VPS50: variants seen among roughly 807,000 people sequenced by gnomAD.
VPS50 encodes syndetin.
In VPS50, 70 loss-of-function variants were observed where a neutral mutation model predicts 139.7. That is an observed-to-expected ratio of 0.50 (90% CI 0.41 to 0.61). VPS50 has a LOEUF of 0.61. Among genes scored for constraint, VPS50 ranks in the 20% least tolerant of loss-of-function variants. The pLI is 0.00. For missense variants in VPS50, 921 were observed against 1,133.7 expected (o/e 0.81, Z 2.69); for synonymous variants, 365 against 376.7 (o/e 0.97, Z 0.36).
intron 9 of VPS50, among the ~76,000 whole-genome samples, chr7:93,262,424 G>A (rs1007929411): frequency 2.0e-5 from 3 of 152,086 alleles, no homozygotes; most frequent in East Asian, 1.9e-4. Flanking sequence ...TACAGTTATC[G>A]AATGAGGTTA....
At chr7:93,261,762 C>T (rs1467549750) in intron 9 of VPS50, among the ~76,000 whole-genome samples, 1 of 151,820 alleles carries the variant, frequency 6.6e-6, no homozygotes, top group African/African-American at 2.4e-5. Flanking sequence ...TCTAACTCTC[C>T]TTCCGGGATC....
intron 17 of VPS50, among the ~76,000 whole-genome samples, chr7:93,304,240 A>G (rs958016852): frequency 1.3e-5 from 2 of 151,838 alleles, no homozygotes; most frequent in Admixed American, 6.6e-5. Flanking sequence ...TTGTTCAGAA[A>G]GTATGGTGTG....
At chr7:93,271,106 G>T (rs1166100260) in intron 9 of VPS50, 114 bp from the exon 10 acceptor site, 1 of 1,420,174 alleles carries the variant, frequency 7.0e-7, no homozygotes, top group Non-Finnish European at 9.2e-7. Context: ...CATGTCTTAC[G>T]ATCTATACTC....
chr7:93,346,774 G>C (rs1054878085), intron 23 of VPS50, among the ~76,000 whole-genome samples: 1 of 136,866 alleles, frequency 7.3e-6, no homozygotes, highest in African/African-American at 3.0e-5. Flanking sequence ...CTAGCCATAT[G>C]TAGAAAGCTG....
intron 8 of VPS50, 70 bp from the exon 9 acceptor site, chr7:93,259,480 A>G: frequency 1.3e-6 from 1 of 783,564 alleles, no homozygotes; most frequent in Admixed American, 2.3e-5. Context: ...ATGAACAGAG[A>G]TTTTTTTTTA....
At chr7:93,357,101 A>G (rs996748292) in intron 27 of VPS50, among the ~76,000 whole-genome samples, 1 of 152,194 alleles carries the variant, frequency 6.6e-6, no homozygotes, top group Non-Finnish European at 1.5e-5. Flanking sequence ...GATAACCAAA[A>G]TGTTAAACCT....
chr7:93,307,512 A>G (rs1256721667), intron 18 of VPS50, among the ~76,000 whole-genome samples: 1 of 151,940 alleles, frequency 6.6e-6, no homozygotes, highest in African/African-American at 2.4e-5. Context: ...GGGAACATGC[A>G]TGTTGGATGA....
Position 93,338,277 on chromosome 7 carries a change from G to C in VPS50, c.2059-3150G>C, listed in dbSNP as rs1280342144. 2.6e-5 allele frequency among the ~76,000 whole-genome samples: 4 copies of C among 152,178 alleles called. No individual in the cohort carries two copies. The East Asian group carries it at 7.7e-4, about 29-fold the overall frequency. On this transcript the variant is annotated intron_variant, in intron 22 of 27. Coordinates refer to ENST00000305866, the MANE Select transcript of VPS50 (RefSeq NM_017667.4). ...TTGCATGCCTAGGTACTTTGTGGTA[G>C]ACTGATGGTCCCCGGAGTGGAGGAG... is the stretch of plus-strand genomic sequence containing the variant.
At chr7:93,274,426 C>T (rs1796093888) in intron 11 of VPS50, among the ~76,000 whole-genome samples, 2 of 152,064 alleles carry the variant, frequency 1.3e-5, no homozygotes, top group Admixed American at 1.3e-4. Flanking sequence ...AAGAATTATG[C>T]TAAATCTACT....
intron 17 of VPS50, among the ~76,000 whole-genome samples, chr7:93,304,205 A>C (rs1019750979): frequency 6.6e-6 from 1 of 151,886 alleles, no homozygotes; most frequent in Admixed American, 6.6e-5. Context: ...TCAAGTGTCA[A>C]AATGCAGTGC....
rs1280913570 is a variant in VPS50, at chr7:93,311,930, T to C, written c.1855+658T>C. On this transcript the variant is annotated intron_variant, in intron 20 of 27. Transcript: ENST00000305866. ...ACAAATAAGTTATAGAGATGTCTTC[T>C]CCTATTAAACTTCATTGTTCCAAGC... 2.6e-5 allele frequency among the ~76,000 whole-genome samples: 4 copies of C among 152,214 alleles called. No individual in the cohort carries two copies. In the East Asian group the frequency reaches 7.7e-4, roughly 29 times the overall value.
intron 22 of VPS50, among the ~76,000 whole-genome samples, chr7:93,336,430 C>T (rs1025675630): frequency 2.0e-5 from 3 of 152,100 alleles, no homozygotes; most frequent in South Asian, 2.1e-4. Flanking sequence ...CTGGTATAGG[C>T]GATAGTGACA....
intron 13 of VPS50, 70 bp from the exon 14 acceptor site, chr7:93,294,475 A>G: frequency 7.5e-7 from 1 of 1,337,424 alleles, no homozygotes. Context: ...GAGAGGCCAA[A>G]TAGAAATTAT....
chr7:93,303,693 A>G (rs752615940), intron 17 of VPS50, 143 bp downstream of exon 17: 4 of 431,958 alleles, frequency 9.3e-6, no homozygotes, highest in Non-Finnish European at 1.6e-5. Context: ...CTTGAAAGTC[A>G]TTAGTAGCCA....
chr7:93,252,238 T>C (rs1327209485), intron 2 of VPS50, among the ~76,000 whole-genome samples: 1 of 152,162 alleles, frequency 6.6e-6, no homozygotes, highest in Non-Finnish European at 1.5e-5. Flanking sequence ...CCAAAGTTGA[T>C]TGTGACCCAG....
chr7:93,253,618 A>G (rs1213990439), intron 3 of VPS50, among the ~76,000 whole-genome samples: 7 of 152,140 alleles, frequency 4.6e-5, no homozygotes. Flanking sequence ...GCAGAGCAGC[A>G]GCAGTGGGGG....
intron 9 of VPS50, 116 bp downstream of exon 9, chr7:93,259,748 CA>C (rs1231230921): frequency 5.3e-5 from 29 of 543,936 alleles, no homozygotes; most frequent in Middle Eastern, 3.8e-4. Context: ...TCTAGTTTAA[CA>C]TTCATATTTA....
chr7:93,319,428 T>G (rs1797533884), intron 20 of VPS50, among the ~76,000 whole-genome samples: 1 of 152,230 alleles, frequency 6.6e-6, no homozygotes, highest in Non-Finnish European at 1.5e-5. Context: ...AAAAGGCTGA[T>G]GAGAAGTAAA....
chr7:93,294,368 C>T (rs1240645230), intron 13 of VPS50, among the ~76,000 whole-genome samples, 177 bp from the exon 14 acceptor site: 1 of 151,980 alleles, frequency 6.6e-6, no homozygotes, highest in Non-Finnish European at 1.5e-5. Context: ...ATTTGTCTCA[C>T]CAAATGGGTT....
Sources: allele counts gnomAD v4.1 joint callset (sites outside exome capture counted in the v4.1 genomes callset), GRCh38; gene constraint gnomAD v4.1.1; transcripts MANE v1.5; gene names NCBI Gene and HGNC (gene_info 2026-07-23, HGNC 2026-07-21).